Variants in FMNL2 observed in about 807,000 individuals in gnomAD.
FMNL2 encodes formin-like protein 2.
A neutral mutation model predicts 130.2 loss-of-function variants in FMNL2; 51 were observed. The ratio of observed to expected loss-of-function variants is 0.39; its 90% CI spans 0.31 to 0.49. The LOEUF is 0.49. FMNL2 is among the 20% of genes least tolerant of loss of function. The pLI is 0.85. For missense variants in FMNL2, 977 were observed against 1,316.2 expected, an observed-to-expected ratio of 0.74 and a Z score of 3.99; for synonymous variants, 465 against 467.1, an observed-to-expected ratio of 1.00 and a Z score of 0.06.
At chr2:152,489,250 A>G (rs1691009585) in intron 1 of FMNL2, among the ~76,000 whole-genome samples, 1 of 151,936 alleles carries the variant, frequency 6.6e-6, no homozygotes, top group Admixed American at 6.5e-5. Context: ...AGCCATCCGA[A>G]GAGGTGGAAT....
chr2:152,340,254 C>T (rs897914108), intron 1 of FMNL2, among the ~76,000 whole-genome samples: 1 of 152,160 alleles, frequency 6.6e-6, no homozygotes, highest in African/African-American at 2.4e-5. Flanking sequence ...AGTCTTTCAG[C>T]AGAGATTTGG....
rs1185840337 is a variant in FMNL2, at chr2:152,649,669, A to G, written c.*1764A>G. The G allele has an allele frequency of 6.6e-6, 1 of 152,648 alleles. No homozygotes were observed. The highest frequency in any genetic ancestry group is 1.5e-5 in the Non-Finnish European group (1 of 68,030). The allele number at this position is 152,648 out of a possible 1,614,324, so 9.5% of individuals were successfully genotyped here. A position where few individuals can be genotyped will look rare whatever the true frequency, so the allele number is the denominator to read the frequency against. ...TGTATATTAAAATAATTGCCTATTT[A>G]TTAATCTACAAATAGACAACGTTGG... On this transcript the variant is annotated 3_prime_UTR_variant, in exon 26 of 26. Coordinates refer to ENST00000288670, the MANE Select transcript of FMNL2 (RefSeq NM_052905.4).
At chr2:152,488,871 A>G (rs1395050501) in intron 1 of FMNL2, among the ~76,000 whole-genome samples, 2 of 152,140 alleles carry the variant, frequency 1.3e-5, no homozygotes, top group Non-Finnish European at 2.9e-5. Flanking sequence ...TGAGGCTAGG[A>G]GTTTGAGACC....
intron 1 of FMNL2, among the ~76,000 whole-genome samples, chr2:152,485,778 C>T (rs770738595): frequency 6.6e-6 from 1 of 152,128 alleles, no homozygotes; most frequent in African/African-American, 2.4e-5. Flanking sequence ...ATCTCCATTT[C>T]GCCTAGCAAT....
At chr2:152,434,711 T>G (rs560750611) in intron 1 of FMNL2, among the ~76,000 whole-genome samples, 1 of 152,048 alleles carries the variant, frequency 6.6e-6, no homozygotes, top group African/African-American at 2.4e-5. Context: ...GGTTTTTAGA[T>G]AGCTGATTTG....
intron 1 of FMNL2, among the ~76,000 whole-genome samples, chr2:152,412,451 TATATATATATATATATATATATATATA>T (rs1558840779): frequency 1.7e-4 from 1 of 6,028 alleles, no homozygotes; most frequent in East Asian, 2.5e-3. Flanking sequence ...ATATTTTATA[TATATATATATATATATATATATATATA>T]TATATATATA....
chr2:152,622,031 T>C (rs1318225181), intron 15 of FMNL2, among the ~76,000 whole-genome samples: 1 of 152,102 alleles, frequency 6.6e-6, no homozygotes, highest in Non-Finnish European at 1.5e-5. Flanking sequence ...TTCTTTGTAT[T>C]TTATAGAGAA....
chr2:152,468,060 A>G (rs1163467143), intron 1 of FMNL2, among the ~76,000 whole-genome samples: 1 of 152,236 alleles, frequency 6.6e-6, no homozygotes, highest in Non-Finnish European at 1.5e-5. Context: ...TAAGTTGCTA[A>G]GGCAAATGAT....
At chr2:152,568,223 T>TTTTTTTTTTGGTTTGTTTTTG (rs11275578) in intron 6 of FMNL2, among the ~76,000 whole-genome samples, 1 of 132,304 alleles carries the variant, frequency 7.6e-6, no homozygotes, top group Non-Finnish European at 1.6e-5. Flanking sequence ...GGTGGGTTTT[T>TTTTTTTTTTGGTTTGTTTTTG]TTTTTTTTTT....
intron 1 of FMNL2, among the ~76,000 whole-genome samples, chr2:152,521,443 C>G (rs1367518572): frequency 2.0e-5 from 3 of 152,096 alleles, no homozygotes; most frequent in Non-Finnish European, 2.9e-5. Flanking sequence ...ATACTGTCAT[C>G]TCACAGAGGG....
rs985658145 is a variant in FMNL2 at position 152,421,712 on chromosome 2, C to T, written c.117+85992C>T. Reference sequence around the variant, plus strand: ...TTCCTGTTACTGATTACTGGCTACCCGGGAGCTCATTTCCTTTGTACTGAG... The same window carrying T: ...TTCCTGTTACTGATTACTGGCTACCTGGGAGCTCATTTCCTTTGTACTGAG... On this transcript the variant is annotated intron_variant, in intron 1 of 25. Coordinates refer to ENST00000288670, the MANE Select transcript of FMNL2 (RefSeq NM_052905.4). Among the ~76,000 whole-genome samples the T allele has an allele frequency of 2.6e-5, 4 of 152,212 alleles. No homozygotes were observed. In the East Asian group the frequency reaches 7.7e-4, roughly 29 times the overall value.
rs1330564271 is a variant in FMNL2 at position 152,335,440 on chromosome 2, CTGCTAGGGAGCGG to C, written c.-160_-148del. On this transcript the variant is annotated 5_prime_UTR_variant, in exon 1 of 26. An upstream open reading frame in the 5' UTR loses its in-frame stop. Coordinates refer to ENST00000288670, the MANE Select transcript of FMNL2 (RefSeq NM_052905.4). ...CCGGGGGGCGGCTCGGCTTGGAGCG[CTGCTAGGGAGCGG>C]TGCGCGCCGCACACCCGCCTGGGCG... The C allele has an allele frequency of 2.6e-6, 1 of 381,766 alleles. No homozygotes were observed. The highest frequency in any genetic ancestry group is 4.5e-6 in the Non-Finnish European group (1 of 222,572). 23.6% of individuals were successfully genotyped at this position (381,766 alleles called of 1,614,324 possible).
Position 152,568,232 on chromosome 2 carries a change from T to TG in FMNL2, c.597-6904_597-6903insG. Among the ~76,000 whole-genome samples, 4 of 147,810 alleles carry TG rather than the reference T, an allele frequency of 2.7e-5. No homozygotes were observed. In the East Asian group the frequency reaches 5.9e-4, roughly 22 times the overall value. On this transcript the variant is annotated intron_variant, in intron 6 of 25. Coordinates refer to ENST00000288670, the MANE Select transcript of FMNL2 (RefSeq NM_052905.4). ...CATTTTGGTGGGTTTTTTTTTTTTT[T>TG]TGAGACGGAGTCTCACTGTGTCACC...
chr2:152,617,276 C>A, intron 13 of FMNL2, 84 bp downstream of exon 13: 1 of 1,227,438 alleles, frequency 8.1e-7, no homozygotes, highest in Non-Finnish European at 1.2e-6. Flanking sequence ...AGAGTACCTT[C>A]ATTTCAGAGG....
At chr2:152,618,229 A>G (rs1699053788) in intron 13 of FMNL2, among the ~76,000 whole-genome samples, 1 of 152,242 alleles carries the variant, frequency 6.6e-6, no homozygotes, top group Admixed American at 6.5e-5. Flanking sequence ...GAAATAAGTA[A>G]TTAGTGAAGG....
intron 9 of FMNL2, among the ~76,000 whole-genome samples, chr2:152,591,686 G>T (rs948687311): frequency 2.0e-5 from 3 of 152,148 alleles, no homozygotes; most frequent in African/African-American, 7.2e-5. Context: ...CACGCTTGTG[G>T]TCCCCGGTAC....
chr2:152,632,248 A>G, intron 21 of FMNL2, 111 bp downstream of exon 21: 1 of 1,419,650 alleles, frequency 7.0e-7, no homozygotes, highest in Non-Finnish European at 9.5e-7. Context: ...AGCCAAGGCT[A>G]AGAAGTCAGA....
chr2:152,360,483 A>G (rs1234593378), intron 1 of FMNL2, among the ~76,000 whole-genome samples: 1 of 152,026 alleles, frequency 6.6e-6, no homozygotes, highest in Non-Finnish European at 1.5e-5. Context: ...GGTACCCACC[A>G]CCATGACCAG....
intron 9 of FMNL2, among the ~76,000 whole-genome samples, chr2:152,596,747 GT>G (rs1697793010): frequency 6.6e-6 from 1 of 152,166 alleles, no homozygotes; most frequent in Admixed American, 6.5e-5. Flanking sequence ...TTCTGCTGTT[GT>G]TTTTGTTGAA....
Sources: gnomAD v4.1 joint callset for allele counts (sites outside exome capture counted in the v4.1 genomes callset) on GRCh38, gnomAD v4.1.1 for gene constraint, MANE v1.5 for transcripts, NCBI Gene and HGNC (gene_info 2026-07-23, HGNC 2026-07-21) for gene names.